The following CFTR variants were observed in gnomAD, a reference collection of about 807,000 sequenced individuals.
The protein encoded by CFTR is CF transmembrane conductance regulator.
In CFTR, 181 loss-of-function variants were observed where a neutral mutation model predicts 171.6. The ratio of observed to expected loss-of-function variants is 1.05; its 90% CI spans 0.93 to 1.19. The LOEUF is 1.19. Ranked by LOEUF, CFTR falls within the 50% of genes most tolerant of loss-of-function variation. CFTR has a pLI of 0.00. For missense variants in CFTR, 1,968 were observed against 1,734.7 expected (o/e 1.13, Z -2.39); for synonymous variants, 583 against 608.0 (o/e 0.96, Z 0.60).
Position 117,559,551 on chromosome 7 carries a change from T to G in CFTR, c.1480T>G (p.Phe494Val), listed in dbSNP as rs1466073638. 9 of 1,611,948 alleles carry G rather than the reference T, an allele frequency of 5.6e-6. No homozygotes were observed. The highest frequency in any genetic ancestry group is 7.6e-6 in the Non-Finnish European group (9 of 1,178,314). ...HSGRISFCSQ[F>V]SWIMPGTIKE... The stretch of plus-strand genomic sequence containing the variant: ...TGGAAGAATTTCATTCTGTTCTCAG[T>G]TTTCCTGGATTATGCCTGGCACCAT... Residue 494 changes from phenylalanine to valine, a missense_variant, in exon 11 of 27, where the codon TTT becomes GTT. By Grantham distance (50) the Phe-to-Val change is conservative. Transcript: ENST00000003084.
chr7:117,608,765 CA>C (rs770435193), intron 18 of CFTR, among the ~76,000 whole-genome samples: 49 of 152,172 alleles, frequency 3.2e-4, no homozygotes, highest in Non-Finnish European at 6.5e-4. Context: ...TAATTTCAAA[CA>C]AATGAAATTT....
intron 19 of CFTR, 90 bp downstream of exon 19, chr7:117,610,759 C>T: frequency 6.9e-7 from 1 of 1,446,516 alleles, no homozygotes. Context: ...AAAAAAAATT[C>T]TGCTTTTAAA....
At chr7:117,659,329 C>G (rs1334456425) in intron 24 of CFTR, among the ~76,000 whole-genome samples, 1 of 152,210 alleles carries the variant, frequency 6.6e-6, no homozygotes, top group Admixed American at 6.5e-5. Context: ...TTGTCCATGT[C>G]CCCCACTGGA....
At chr7:117,503,895 C>T (rs1002769773) in intron 1 of CFTR, among the ~76,000 whole-genome samples, 198 of 152,220 alleles carry the variant, frequency 1.3e-3, no homozygotes, top group African/African-American at 4.7e-3. Context: ...AGAGGCTGGA[C>T]TTCAGTAATT....
intron 15 of CFTR, among the ~76,000 whole-genome samples, chr7:117,598,800 A>C (rs1337578004): frequency 6.6e-6 from 1 of 152,178 alleles, no homozygotes. Context: ...CAAGTTAGTT[A>C]AAACTCGCTG....
intron 11 of CFTR, among the ~76,000 whole-genome samples, chr7:117,583,321 C>CT (rs1791877839): frequency 6.6e-6 from 1 of 151,982 alleles, no homozygotes; most frequent in Admixed American, 6.6e-5. Flanking sequence ...TTATCCCCCC[C>CT]CCGCTCCACC....
intron 22 of CFTR, among the ~76,000 whole-genome samples, chr7:117,635,046 G>C (rs2116147301): frequency 6.6e-6 from 1 of 152,194 alleles, no homozygotes; most frequent in South Asian, 2.1e-4. Flanking sequence ...TTTGCAGAGG[G>C]ACACTGAAGT....
intron 18 of CFTR, among the ~76,000 whole-genome samples, chr7:117,609,084 C>T (rs906096572): frequency 6.6e-6 from 1 of 152,158 alleles, no homozygotes; most frequent in African/African-American, 2.4e-5. Context: ...CCTCTCTCCC[C>T]TGTCCTGTTA....
At chr7:117,555,917 A>G (rs1238222743) in intron 10 of CFTR, among the ~76,000 whole-genome samples, 2 of 152,220 alleles carry the variant, frequency 1.3e-5, no homozygotes, top group Non-Finnish European at 2.9e-5. Context: ...GTCAAAAATT[A>G]TACGTGGATT....
rs1791969383 is a variant in CFTR, at chr7:117,587,850, T to C, written c.1679+17T>C. The C allele has an allele frequency of 2.1e-6, 3 of 1,431,120 alleles. No homozygotes were observed. The South Asian group carries it at 3.4e-5, about 16-fold the overall frequency. 88.7% of individuals were successfully genotyped at this position (1,431,120 alleles called of 1,614,324 possible). On this transcript the variant is annotated intron_variant, in intron 12 of 26. Transcript: ENST00000003084. Reference sequence around the variant, plus strand: ...TTTAGCAAGGTGAATAACTAATTATTGGTCTAGCAAGCATTTGCTGTAAAT... The same window carrying C: ...TTTAGCAAGGTGAATAACTAATTATCGGTCTAGCAAGCATTTGCTGTAAAT...
chr7:117,666,881 A>G (rs750647259), intron 26 of CFTR, 27 bp from the exon 27 acceptor site: 1 of 1,609,364 alleles, frequency 6.2e-7, no homozygotes, highest in South Asian at 1.1e-5. Flanking sequence ...CTTCTGTCCC[A>G]GATCTCACTA....
chr7:117,581,595 T>C (rs1171591602), intron 11 of CFTR, among the ~76,000 whole-genome samples: 1 of 152,206 alleles, frequency 6.6e-6, no homozygotes, highest in African/African-American at 2.4e-5. Flanking sequence ...GAAGATATTA[T>C]TATACCCATT....
intron 20 of CFTR, among the ~76,000 whole-genome samples, chr7:117,613,376 G>A (rs1299519035): frequency 6.6e-6 from 1 of 152,090 alleles, no homozygotes; most frequent in Non-Finnish European, 1.5e-5. Context: ...TGGCCACCCA[G>A]CTATTATTAT....
chr7:117,592,371 G>T lies in CFTR; in HGVS notation c.2204G>T (p.Arg735Met). The T allele has an allele frequency of 6.2e-7, 1 of 1,614,168 alleles. No homozygotes were observed. Among genetic ancestry groups the T allele is most frequent in the East Asian group, 2.2e-5 (1 of 44,882 alleles). The change falls in exon 14 of 27, where the codon AGG becomes ATG. Residue 735 changes from arginine (R) to methionine (M), a missense_variant. By Grantham distance (91) the Arg-to-Met change is moderately conservative (BLOSUM62 -1). Coordinates refer to ENST00000003084, the MANE Select transcript of CFTR (RefSeq NM_000492.4). ...EEDSDEPLER[R>M]LSLVPDSEQG... ...GATTCTGATGAGCCTTTAGAGAGAA[G>T]GCTGTCCTTAGTACCAGATTCTGAG...
chr7:117,618,597 T>C (rs1792529220), intron 21 of CFTR, among the ~76,000 whole-genome samples: 1 of 152,194 alleles, frequency 6.6e-6, no homozygotes, highest in Non-Finnish European at 1.5e-5. Flanking sequence ...CCAACTATCA[T>C]CTTGACACCA....
intron 10 of CFTR, among the ~76,000 whole-genome samples, chr7:117,556,419 G>A (rs1334156812): frequency 6.7e-6 from 1 of 150,322 alleles, no homozygotes; most frequent in African/African-American, 2.5e-5. Context: ...CTTTTCCCCT[G>A]ATTCTGTTTA....
intron 13 of CFTR, 114 bp from the exon 14 acceptor site, chr7:117,591,820 A>C (rs951233828): frequency 4.7e-6 from 3 of 636,918 alleles, no homozygotes; most frequent in Non-Finnish European, 7.8e-6. Context: ...AAATATAATA[A>C]AATTGTATGA....
chr7:117,613,997 A>ATGTTTT (rs1468130932), intron 20 of CFTR, among the ~76,000 whole-genome samples: 3 of 132,032 alleles, frequency 2.3e-5, no homozygotes, highest in African/African-American at 9.0e-5. Flanking sequence ...AGGTACAGTA[A>ATGTTTT]TCTTTTTTTT....
intron 24 of CFTR, among the ~76,000 whole-genome samples, chr7:117,655,265 C>T (rs1793150352): frequency 1.3e-5 from 2 of 152,144 alleles, no homozygotes; most frequent in South Asian, 4.1e-4. Context: ...CTAAGCTGCT[C>T]CTTCAACTTT....
Sources: allele counts gnomAD v4.1 joint callset (sites outside exome capture counted in the v4.1 genomes callset), GRCh38; gene constraint gnomAD v4.1.1; transcripts MANE v1.5; gene names NCBI Gene and HGNC (gene_info 2026-07-23, HGNC 2026-07-21).